SPNS2: variants seen among roughly 807,000 people sequenced by gnomAD.
SPNS2 encodes the protein sphingosine-1-phosphate transporter SPNS2.
A neutral mutation model predicts 57.6 loss-of-function variants in SPNS2; 37 were observed. The ratio of observed to expected loss-of-function variants is 0.64; its 90% CI spans 0.49 to 0.85. SPNS2 has a LOEUF of 0.85. SPNS2 is among the 40% of genes least tolerant of loss of function. SPNS2 has a pLI of 0.00. For synonymous variants in SPNS2, 440 were observed against 346.9 expected, an observed-to-expected ratio of 1.27 and a Z score of -2.98; for missense variants, 831 against 779.1, an observed-to-expected ratio of 1.07 and a Z score of -0.79.
At position 4,510,358 on chromosome 17, in the gene SPNS2, C is replaced by T. The variant is rs576393706; in HGVS notation, c.371-2889C>T. ...TGTCCTGGGAACTGCCCAGGACTTC[C>T]CAGAGACCTTAGACGCCCATCTGGA... is the stretch of plus-strand genomic sequence containing the variant. On this transcript the variant is annotated intron_variant, in intron 1 of 12. Transcript: ENST00000329078. The surrounding 1 kb of genome is among the most constrained non-coding windows in gnomAD (Gnocchi z 4.4). Among the ~76,000 whole-genome samples the T allele has an allele frequency of 1.3e-4, 20 of 152,226 alleles. No individual in the cohort carries two copies. Among genetic ancestry groups the T allele is most frequent in the South Asian group, 6.2e-4 (3 of 4,826 alleles).
chr17:4,530,088 C>T (rs553603739), intron 3 of SPNS2, among the ~76,000 whole-genome samples: 1 of 152,348 alleles, frequency 6.6e-6, no homozygotes, highest in South Asian at 2.1e-4. Flanking sequence ...CCCCACTCAG[C>T]TGGGCTTTGC....
intron 3 of SPNS2, 44 bp from the exon 4 acceptor site, chr17:4,530,588 C>A: frequency 6.3e-7 from 1 of 1,582,760 alleles, no homozygotes; most frequent in Non-Finnish European, 8.6e-7. Flanking sequence ...GACAGGCAGA[C>A]GGTGGGTAGT....
chr17:4,537,416 C>T, intron 12 of SPNS2, 37 bp from the exon 13 acceptor site: 1 of 428,874 alleles, frequency 2.3e-6, no homozygotes, highest in Non-Finnish European at 4.7e-6. Flanking sequence ...ACAGGCCCCA[C>T]TAAGCCCCAC....
Position 4,498,908 on chromosome 17 carries a change from CAGCCGGGGCCGGAGCGCAGG to C in SPNS2, c.-134_-115del. On this transcript the variant is annotated 5_prime_UTR_variant, in exon 1 of 13. Coordinates refer to ENST00000329078, the MANE Select transcript of SPNS2 (RefSeq NM_001124758.3). ...AGCGAGCTGAGCGGTGGCAGCGCCGCAGCCGGGGCCGGAGCGCAGGAGCCGACGGGGCCCGACCAGGATGG... is the reference window on the plus strand; with the variant it reads ...AGCGAGCTGAGCGGTGGCAGCGCCGCAGCCGACGGGGCCCGACCAGGATGG... 2.8e-6 allele frequency: 1 copy of C among 351,700 alleles called. No homozygotes were observed. The highest frequency in any genetic ancestry group is 4.0e-6 in the Non-Finnish European group (1 of 251,162). 21.8% of individuals were successfully genotyped at this position (351,700 alleles called of 1,614,324 possible).
At chr17:4,509,648 A>G (rs1294444700) in intron 1 of SPNS2, among the ~76,000 whole-genome samples, 3 of 152,242 alleles carry the variant, frequency 2.0e-5, no homozygotes, top group Non-Finnish European at 4.4e-5. Flanking sequence ...GCCAGGCGAG[A>G]GAGACTGTTG....
chr17:4,505,793 G>A lies in SPNS2; in HGVS notation c.370+6376G>A, dbSNP rs74876197. ...TGGAACGAGGCACTAGCCAGAGCTT[G>A]GAGGCTGGGGACAGGGTCCTGTCCT... On this transcript the variant is annotated intron_variant, in intron 1 of 12. Transcript: ENST00000329078. Among the ~76,000 whole-genome samples, 18 of 152,288 alleles carry A rather than the reference G, an allele frequency of 1.2e-4. No homozygotes were observed. In the East Asian group the frequency reaches 3.5e-3, roughly 30 times the overall value.
In SPNS2 at chr17:4,499,405, T is replaced by A; in HGVS notation, c.358T>A (p.Tyr120Asn). The change falls in exon 1 of 13, where the codon TAC (tyrosine) becomes AAC (asparagine). Residue 120 changes from tyrosine to asparagine, a missense_variant. Physicochemically the swap from Tyr to Asn is moderately radical, Grantham distance 143. Transcript: ENST00000329078. The surrounding 1 kb of genome is among the most constrained non-coding windows in gnomAD (Gnocchi z 5.2). Reference protein sequence around the residue: ...LGNVLNYLDRYTVAGVLLDIQ... With the variant: ...LGNVLNYLDRNTVAGVLLDIQ... Reference sequence around the variant, plus strand: ...CAACGTGCTCAACTACCTGGACAGGTACACCGTGGCAGGTGAGCGAGTGCC... The same window carrying A: ...CAACGTGCTCAACTACCTGGACAGGAACACCGTGGCAGGTGAGCGAGTGCC... The A allele has an allele frequency of 1.5e-6, 2 of 1,349,342 alleles. No individual in the cohort carries two copies. The highest frequency in any genetic ancestry group is 1.9e-6 in the Non-Finnish European group (2 of 1,048,672). 83.6% of individuals were successfully genotyped at this position (1,349,342 alleles called of 1,614,324 possible). A position where few individuals can be genotyped will look rare whatever the true frequency, so the allele number is the denominator to read the frequency against.
At chr17:4,534,241 G>A (rs569292912) in intron 9 of SPNS2, 24 of 273,190 alleles carry the variant, frequency 8.8e-5, no homozygotes, top group Middle Eastern at 1.3e-3. Context: ...GCGTGCCTGC[G>A]GCTGGGGCTG....
Position 4,536,919 on chromosome 17 carries a change from C to T in SPNS2, c.1627C>T (p.Pro543Ser), listed in dbSNP as rs757102987. 6.2e-7 allele frequency: 1 copy of T among 1,613,620 alleles called. No individual in the cohort carries two copies. Among genetic ancestry groups the T allele is most frequent in the Non-Finnish European group, 8.5e-7 (1 of 1,179,838 alleles). ...AEQQVNQLAM[P>S]PASVKV ...CCCCAGGGTGAACCAGCTGGCGATG[C>T]CGCCCGCATCTGTGAAAGTCTGAGG... The change falls in exon 12 of 13, where the codon CCG (proline) becomes TCG (serine). Residue 543 changes from proline to serine, a missense_variant. By Grantham distance (74) the Pro-to-Ser change is moderately conservative. Around this residue, in one of 2 missense-constraint regions of SPNS2, gnomAD observed 526 missense variants for 400.9 expected, o/e 1.31. Coordinates refer to ENST00000329078, the MANE Select transcript of SPNS2 (RefSeq NM_001124758.3).
chr17:4,535,687 G>A (rs190070156), intron 9 of SPNS2, among the ~76,000 whole-genome samples: 117 of 152,304 alleles, frequency 7.7e-4, no homozygotes, highest in African/African-American at 2.7e-3. Flanking sequence ...GCATGTAGCT[G>A]GGAGGGAGGT....
At chr17:4,528,701 T>C (rs1023165573) in intron 3 of SPNS2, among the ~76,000 whole-genome samples, 20 of 152,244 alleles carry the variant, frequency 1.3e-4, no homozygotes, top group African/African-American at 4.6e-4. Context: ...GGTCTCGAAC[T>C]CCTGACCTCA....
intron 2 of SPNS2, among the ~76,000 whole-genome samples, chr17:4,519,109 G>A (rs930794561): frequency 3.3e-5 from 5 of 152,216 alleles, no homozygotes; most frequent in Non-Finnish European, 7.3e-5. Context: ...ATGCCTGCCT[G>A]AGCACCCTCC....
chr17:4,507,112 T>C (rs916441841), intron 1 of SPNS2, among the ~76,000 whole-genome samples: 4 of 152,148 alleles, frequency 2.6e-5, no homozygotes, highest in African/African-American at 9.7e-5. Context: ...TTCCCAGCCT[T>C]AGCCATCCAG....
chr17:4,514,283 C>T (rs376023582), intron 2 of SPNS2, among the ~76,000 whole-genome samples: 60 of 152,350 alleles, frequency 3.9e-4, no homozygotes, highest in African/African-American at 1.2e-3. Context: ...TGGCTGTGAG[C>T]CCCCGTCAGA....
rs1394466196 is a variant in SPNS2, at chr17:4,511,213, G to A, written c.371-2034G>A. ...AAACGAGTTTGGACAGGGGAAGAGT[G>A]GGGGCAACTAACTTATTGAGGGTGG... On this transcript the variant is annotated intron_variant, in intron 1 of 12. Coordinates refer to ENST00000329078, the MANE Select transcript of SPNS2 (RefSeq NM_001124758.3). This position sits in a 1 kb window ranked among gnomAD's most constrained non-coding sequence, Gnocchi z 4.6. Among the ~76,000 whole-genome samples the A allele has an allele frequency of 2.0e-5, 3 of 152,180 alleles. No homozygotes were observed. The highest frequency in any genetic ancestry group is 7.2e-5 in the African/African-American group (3 of 41,446).
chr17:4,533,469 G>A (rs781098726), intron 8 of SPNS2, 37 bp downstream of exon 8: 1 of 1,553,196 alleles, frequency 6.4e-7, no homozygotes, highest in East Asian at 2.3e-5. Context: ...TGGGGGAGCT[G>A]GGCCTGGGCC....
chr17:4,510,373 G>C lies in SPNS2; in HGVS notation c.371-2874G>C, dbSNP rs868810341. Among the ~76,000 whole-genome samples, 1 of 152,128 alleles carries C rather than the reference G, an allele frequency of 6.6e-6. No homozygotes were observed. The highest frequency in any genetic ancestry group is 2.4e-5 in the African/African-American group (1 of 41,430). Reference sequence around the variant, plus strand: ...CCAGGACTTCCCAGAGACCTTAGACGCCCATCTGGATGTGGAGGAATGTTC... The same window carrying C: ...CCAGGACTTCCCAGAGACCTTAGACCCCCATCTGGATGTGGAGGAATGTTC... On this transcript the variant is annotated intron_variant, in intron 1 of 12. Coordinates refer to ENST00000329078, the MANE Select transcript of SPNS2 (RefSeq NM_001124758.3). The surrounding 1 kb of genome is among the most constrained non-coding windows in gnomAD (Gnocchi z 4.4).
At chr17:4,529,300 G>A (rs775027312) in intron 3 of SPNS2, among the ~76,000 whole-genome samples, 6 of 151,462 alleles carry the variant, frequency 4.0e-5, no homozygotes, top group Non-Finnish European at 8.8e-5. Context: ...GGCTGGTCTC[G>A]AACTCCTGGC....
At chr17:4,516,346 AAAAAAC>A in intron 2 of SPNS2, among the ~76,000 whole-genome samples, 1 of 148,510 alleles carries the variant, frequency 6.7e-6, no homozygotes, top group Non-Finnish European at 1.5e-5. Flanking sequence ...AAAAAAAACA[AAAAAAC>A]CGCTCATAGG....
Sources: allele counts gnomAD v4.1 joint callset (sites outside exome capture counted in the v4.1 genomes callset), GRCh38; gene constraint gnomAD v4.1.1; regional missense constraint gnomAD v4.1.1; non-coding constraint Gnocchi (gnomAD v3.1); transcripts MANE v1.5; gene names NCBI Gene and HGNC (gene_info 2026-07-23, HGNC 2026-07-21).